The following PPP2R5E variants were observed in gnomAD, a reference collection of about 807,000 sequenced individuals.
PPP2R5E encodes the protein protein phosphatase 2 regulatory subunit B'epsilon.
Under a neutral mutation model 65.3 loss-of-function variants are expected in PPP2R5E, and 4 were observed. The ratio of observed to expected loss-of-function variants is 0.06; its 90% CI spans 0.03 to 0.14. The LOEUF (loss-of-function observed/expected upper bound fraction) is 0.14, where lower values mean the gene tolerates loss of function less well. Ranked by LOEUF, PPP2R5E falls within the 10% of genes least tolerant of loss-of-function variation. PPP2R5E has a pLI of 1.00. For synonymous variants in PPP2R5E, 183 were observed against 187.4 expected, an observed-to-expected ratio of 0.98 and a Z score of 0.19; for missense variants, 274 against 556.1, an observed-to-expected ratio of 0.49 and a Z score of 5.10.
intron 2 of PPP2R5E, among the ~76,000 whole-genome samples, chr14:63,528,284 C>G (rs1185042616): frequency 1.3e-5 from 2 of 152,180 alleles, no homozygotes; most frequent in Non-Finnish European, 2.9e-5. Context: ...CCATAAAACT[C>G]TGCTCTGAAA....
At chr14:63,452,268 G>A (rs139765595) in intron 3 of PPP2R5E, 4 of 152,354 alleles carry the variant, frequency 2.6e-5, no homozygotes, top group African/African-American at 9.6e-5. Flanking sequence ...CAGAAGGCAG[G>A]TAGACTAGAG....
At chr14:63,501,799 A>G (rs1012747630) in intron 2 of PPP2R5E, among the ~76,000 whole-genome samples, 4 of 152,266 alleles carry the variant, frequency 2.6e-5, no homozygotes, top group Non-Finnish European at 4.4e-5. Context: ...AAAAAGTGGA[A>G]AAGACAGTTA....
At chr14:63,451,433 T>C (rs888401118) in intron 3 of PPP2R5E, 1 of 152,194 alleles carries the variant, frequency 6.6e-6, no homozygotes, top group Non-Finnish European at 1.5e-5. Flanking sequence ...CTTAAGTGCA[T>C]ATAACTAAGT....
intron 8 of PPP2R5E, among the ~76,000 whole-genome samples, chr14:63,393,139 T>C (rs888879078): frequency 1.3e-5 from 2 of 152,210 alleles, no homozygotes. Context: ...CAAAGTAGGA[T>C]GGAACAAAAT....
intron 2 of PPP2R5E, among the ~76,000 whole-genome samples, chr14:63,470,761 C>A (rs1229971172): frequency 2.1e-5 from 3 of 145,366 alleles, no homozygotes; most frequent in Non-Finnish European, 4.5e-5. Flanking sequence ...CAATGGCTCA[C>A]ACCTATAATC....
chr14:63,386,928 A>C (rs1012848367), intron 11 of PPP2R5E, among the ~76,000 whole-genome samples: 10 of 151,736 alleles, frequency 6.6e-5, no homozygotes, highest in Admixed American at 3.3e-4. Context: ...CATCTCAAAA[A>C]AAAAAAAAAG....
At chr14:63,444,884 T>A (rs1888400270) in intron 3 of PPP2R5E, among the ~76,000 whole-genome samples, 1 of 152,180 alleles carries the variant, frequency 6.6e-6, no homozygotes, top group African/African-American at 2.4e-5. Context: ...CAGCTATGAC[T>A]CCAGGAGACC....
At chr14:63,486,410 T>C (rs1555365092) in intron 2 of PPP2R5E, among the ~76,000 whole-genome samples, 1 of 151,950 alleles carries the variant, frequency 6.6e-6, no homozygotes, top group Non-Finnish European at 1.5e-5. Context: ...GTAGGTTCCC[T>C]AACAAATCCC....
At chr14:63,490,373 C>T (rs1282127647) in intron 2 of PPP2R5E, among the ~76,000 whole-genome samples, 1 of 151,994 alleles carries the variant, frequency 6.6e-6, no homozygotes, top group African/African-American at 2.4e-5. Context: ...GCAATAAAAT[C>T]AAAAGTTGAC....
chr14:63,539,384 T>C, intron 2 of PPP2R5E, 145 bp downstream of exon 2: 2 of 789,110 alleles, frequency 2.5e-6, no homozygotes, highest in Non-Finnish European at 3.8e-6. Context: ...TGGGTATATT[T>C]GGTCACACAT....
chr14:63,482,865 T>C (rs1890783619), intron 2 of PPP2R5E, among the ~76,000 whole-genome samples: 1 of 152,184 alleles, frequency 6.6e-6, no homozygotes, highest in African/African-American at 2.4e-5. Context: ...TACACATTCC[T>C]TGAACAAATA....
At chr14:63,442,888 C>T (rs1368936293) in intron 3 of PPP2R5E, among the ~76,000 whole-genome samples, 9 of 152,036 alleles carry the variant, frequency 5.9e-5, no homozygotes, top group Non-Finnish European at 1.2e-4. Context: ...TATTTCCCCC[C>T]GGCAGTTATC....
intron 5 of PPP2R5E, among the ~76,000 whole-genome samples, chr14:63,403,822 A>G (rs1885906988): frequency 6.6e-6 from 1 of 152,138 alleles, no homozygotes. Flanking sequence ...CAAGAAAACA[A>G]ATGTAATTAT....
At position 63,421,052 on chromosome 14, in the gene PPP2R5E, CAAAAAAAAAAAAAAAAAAAAAA is replaced by C. The variant is rs56297942; in HGVS notation, c.456+919_456+940del. On this transcript the variant is annotated intron_variant, in intron 4 of 13. Coordinates refer to ENST00000337537, the MANE Select transcript of PPP2R5E (RefSeq NM_006246.5). ...TGGGCGACAGAGCGAGACTCCGTCT[CAAAAAAAAAAAAAAAAAAAAAA>C]AAAAAAAAAAAAAAAGTCAACCTGA... Among the ~76,000 whole-genome samples, 20 of 10,292 alleles carry C rather than the reference CAAAAAAAAAAAAAAAAAAAAAA, an allele frequency of 1.9e-3. 2 individuals are homozygous for C. The highest frequency in any genetic ancestry group is 4.4e-3 in the Admixed American group (3 of 676). The allele number at this position is 10,292 out of a possible 152,430, so 6.8% of individuals were successfully genotyped here.
At chr14:63,431,871 G>C (rs995175768) in intron 3 of PPP2R5E, among the ~76,000 whole-genome samples, 5 of 151,994 alleles carry the variant, frequency 3.3e-5, no homozygotes, top group Non-Finnish European at 7.4e-5. Flanking sequence ...ATATACTTTA[G>C]GAATAATTAG....
At chr14:63,505,900 T>C (rs1566750160) in intron 2 of PPP2R5E, among the ~76,000 whole-genome samples, 1 of 152,012 alleles carries the variant, frequency 6.6e-6, no homozygotes, top group Non-Finnish European at 1.5e-5. Context: ...TTATAATCAA[T>C]ATGAAAAAAT....
At chr14:63,417,775 C>T (rs922313369) in intron 4 of PPP2R5E, among the ~76,000 whole-genome samples, 5 of 152,116 alleles carry the variant, frequency 3.3e-5, no homozygotes, top group Non-Finnish European at 7.4e-5. Context: ...GACACAAGTG[C>T]CTTGATTCTC....
At chr14:63,475,462 A>G (rs1890362541) in intron 2 of PPP2R5E, among the ~76,000 whole-genome samples, 1 of 152,272 alleles carries the variant, frequency 6.6e-6, no homozygotes, top group African/African-American at 2.4e-5. Flanking sequence ...AAGACCAATG[A>G]ACACTTTTAG....
At chr14:63,459,250 T>C (rs1025302047) in intron 2 of PPP2R5E, among the ~76,000 whole-genome samples, 2 of 152,190 alleles carry the variant, frequency 1.3e-5, no homozygotes, top group African/African-American at 2.4e-5. Context: ...AAATGCCTAA[T>C]TACCTGCCCA....
Sources: allele counts gnomAD v4.1 joint callset (sites outside exome capture counted in the v4.1 genomes callset), GRCh38; gene constraint gnomAD v4.1.1; transcripts MANE v1.5; gene names NCBI Gene and HGNC (gene_info 2026-07-23, HGNC 2026-07-21).